The following NEDD1 variants were observed in gnomAD, a reference collection of about 807,000 sequenced individuals.
NEDD1 encodes NEDD1 gamma-tubulin ring complex targeting factor.
In NEDD1, 33 loss-of-function variants were observed where a neutral mutation model predicts 74.0. The observed-to-expected ratio is 0.45, with a 90% confidence interval of 0.34 to 0.60. The LOEUF (loss-of-function observed/expected upper bound fraction) is 0.60. Ranked by LOEUF, NEDD1 falls within the 20% of genes least tolerant of loss-of-function variation. NEDD1 has a pLI of 0.01. For missense variants in NEDD1, 746 were observed against 776.5 expected, an observed-to-expected ratio of 0.96 and a Z score of 0.47; for synonymous variants, 250 against 264.4, an observed-to-expected ratio of 0.95 and a Z score of 0.53.
intron 12 of NEDD1, among the ~76,000 whole-genome samples, chr12:96,944,116 T>C (rs1043867475): frequency 2.6e-5 from 4 of 152,076 alleles, no homozygotes; most frequent in Admixed American, 2.6e-4. Flanking sequence ...ATGGAATTTA[T>C]CATTGTTACT....
intron 6 of NEDD1, among the ~76,000 whole-genome samples, chr12:96,934,305 A>G (rs1024380258): frequency 6.6e-6 from 1 of 151,784 alleles, no homozygotes; most frequent in Non-Finnish European, 1.5e-5. Context: ...GAATTAATGT[A>G]GATAATCTCA....
chr12:96,939,274 T>G (rs1877429045), intron 9 of NEDD1, among the ~76,000 whole-genome samples: 1 of 152,046 alleles, frequency 6.6e-6, no homozygotes, highest in South Asian at 2.1e-4. Context: ...TAGCGCTGTT[T>G]TCAAATGATA....
intron 2 of NEDD1, 59 bp from the exon 3 acceptor site, chr12:96,909,693 T>C (rs1873697503): frequency 7.1e-7 from 1 of 1,417,292 alleles, no homozygotes; most frequent in African/African-American, 1.4e-5. Context: ...TTTTGACCTT[T>C]TTTTGAGTAT....
intron 4 of NEDD1, among the ~76,000 whole-genome samples, chr12:96,914,398 CA>C (rs767675555): frequency 1.3e-5 from 2 of 151,924 alleles, no homozygotes; most frequent in Non-Finnish European, 2.9e-5. Flanking sequence ...GTGAATATTC[CA>C]AATTAGTTGC....
rs1878145290 is a variant in NEDD1 at position 96,945,867 on chromosome 12, A to G, written c.1811+18A>G. On this transcript the variant is annotated intron_variant, in intron 14 of 15. Transcript: ENST00000266742. ...GACTTTAGGTAGTAATTGAGAAACT[A>G]CTCCTTCTATCTAGACCTTACTTGT... 2.6e-6 allele frequency: 4 copies of G among 1,537,716 alleles called. No homozygotes were observed. Among genetic ancestry groups the G allele is most frequent in the Non-Finnish European group, 3.6e-6 (4 of 1,115,852 alleles).
At chr12:96,951,313 A>G in intron 14 of NEDD1, 119 bp from the exon 15 acceptor site, 1 of 534,464 alleles carries the variant, frequency 1.9e-6, no homozygotes. Flanking sequence ...TATTTTTATT[A>G]TTATAGTAAT....
At chr12:96,943,536 A>G in intron 11 of NEDD1, 24 bp from the exon 12 acceptor site, 1 of 1,558,870 alleles carries the variant, frequency 6.4e-7, no homozygotes, top group Non-Finnish European at 8.8e-7. Flanking sequence ...CACCATATGC[A>G]CATGCAGTTT....
At chr12:96,927,799 A>G (rs1875875023) in intron 6 of NEDD1, among the ~76,000 whole-genome samples, 1 of 152,154 alleles carries the variant, frequency 6.6e-6, no homozygotes, top group African/African-American at 2.4e-5. Context: ...TCTATTCTAA[A>G]TTGGTTTATT....
chr12:96,907,467 G>A (rs1873439506), intron 1 of NEDD1, 137 bp from the exon 2 acceptor site: 1 of 724,712 alleles, frequency 1.4e-6, no homozygotes, highest in South Asian at 1.7e-5. Context: ...CGCTGGGCTG[G>A]GAAGTGTCCG....
At chr12:96,913,744 CT>C (rs1237801829) in intron 4 of NEDD1, among the ~76,000 whole-genome samples, 2 of 148,870 alleles carry the variant, frequency 1.3e-5, no homozygotes, top group African/African-American at 4.9e-5. Flanking sequence ...GTCACACACT[CT>C]TTGAAAGCTA....
intron 4 of NEDD1, among the ~76,000 whole-genome samples, chr12:96,914,896 A>G (rs566295471): frequency 1.6e-4 from 24 of 152,358 alleles, no homozygotes; most frequent in African/African-American, 5.3e-4. Context: ...CCAGCTCTAA[A>G]TATAATTTTT....
intron 5 of NEDD1, among the ~76,000 whole-genome samples, chr12:96,919,247 T>C (rs1438753020): frequency 2.0e-5 from 3 of 152,148 alleles, no homozygotes; most frequent in African/African-American, 7.2e-5. Context: ...CCTGGTATAG[T>C]GGAAGGAAGA....
At chr12:96,936,489 T>C in intron 7 of NEDD1, 122 bp from the exon 8 acceptor site, 2 of 639,742 alleles carry the variant, frequency 3.1e-6, no homozygotes, top group Admixed American at 5.6e-5. Context: ...ATTTGGGATA[T>C]GTGTGCTCTT....
intron 6 of NEDD1, among the ~76,000 whole-genome samples, chr12:96,929,021 T>G (rs555241505): frequency 7.2e-5 from 11 of 151,942 alleles, no homozygotes; most frequent in Non-Finnish European, 1.3e-4. Context: ...TAGTTTCAAG[T>G]CTTTTTTTAT....
chr12:96,907,766 C>T lies in NEDD1; in HGVS notation c.-99C>T. 5 of 1,529,688 alleles carry T rather than the reference C, an allele frequency of 3.3e-6. No individual in the cohort carries two copies. Among genetic ancestry groups the T allele is most frequent in the Non-Finnish European group, 4.4e-6 (5 of 1,136,140 alleles). 94.8% of individuals were successfully genotyped at this position (1,529,688 alleles called of 1,614,324 possible). A position where few individuals can be genotyped will look rare whatever the true frequency, so the allele number is the denominator to read the frequency against. On this transcript the variant is annotated 5_prime_UTR_variant, in exon 2 of 16. Coordinates refer to ENST00000266742, the MANE Select transcript of NEDD1 (RefSeq NM_152905.4). ...CCTAAACCCAGGCCGACGTTACCGC[C>T]TTGTGTCCTGACTGCTAGCTTTCGA...
At chr12:96,910,485 G>T (rs1024965793) in intron 3 of NEDD1, among the ~76,000 whole-genome samples, 5 of 152,118 alleles carry the variant, frequency 3.3e-5, no homozygotes, top group Non-Finnish European at 7.3e-5. Flanking sequence ...TTATGTTTCT[G>T]ATTGACACCT....
Position 96,936,782 on chromosome 12 carries a change from A to T in NEDD1, c.891A>T (p.Ile297=), listed in dbSNP as rs139890132. The change falls in exon 8 of 16, where the codon ATA becomes ATT. Residue 297 remains isoleucine, a synonymous_variant. Coordinates refer to ENST00000266742, the MANE Select transcript of NEDD1 (RefSeq NM_152905.4). The part of the protein sequence containing the change: ...ISAHKTSVQC[I]AFQYSTVLTK... ...CTCACAAGACATCTGTGCAGTGTAT[A>T]GCATTTCAGTACTCCACTGTTCTTA... 3 of 1,610,694 alleles carry T rather than the reference A, an allele frequency of 1.9e-6. No individual in the cohort carries two copies. In the African/African-American group the frequency reaches 4.0e-5, roughly 22 times the overall value.
chr12:96,936,339 T>C (rs1428955627), intron 7 of NEDD1, among the ~76,000 whole-genome samples: 1 of 152,166 alleles, frequency 6.6e-6, no homozygotes, highest in Non-Finnish European at 1.5e-5. Flanking sequence ...ATTAAAGAAA[T>C]AGGTGCTGCT....
chr12:96,916,764 TGGAA>T (rs1329277038), intron 4 of NEDD1, among the ~76,000 whole-genome samples: 1 of 151,816 alleles, frequency 6.6e-6, no homozygotes, highest in East Asian at 1.9e-4. Context: ...CATTTGGGTA[TGGAA>T]GGAGACATGA....
Sources: allele counts gnomAD v4.1 joint callset (sites outside exome capture counted in the v4.1 genomes callset), GRCh38; gene constraint gnomAD v4.1.1; transcripts MANE v1.5; gene names NCBI Gene and HGNC (gene_info 2026-07-23, HGNC 2026-07-21).